Variants in SDK1 observed in about 807,000 individuals in gnomAD.
SDK1 encodes the protein protein sidekick-1.
Under a neutral mutation model 245.5 loss-of-function variants are expected in SDK1, and 157 were observed. The ratio of observed to expected loss-of-function variants is 0.64; its 90% CI spans 0.56 to 0.73. The LOEUF (loss-of-function observed/expected upper bound fraction) is 0.73, where lower values mean the gene tolerates loss of function less well. Ranked by LOEUF, SDK1 falls within the 30% of genes least tolerant of loss-of-function variation. SDK1 has a pLI of 0.00. For missense variants in SDK1, 3,583 were observed against 3,002.3 expected (o/e 1.19, Z -4.52); for synonymous variants, 1,647 against 1,278.5 (o/e 1.29, Z -6.15).
chr7:3,573,378 C>T (rs1780177794), intron 1 of SDK1, among the ~76,000 whole-genome samples: 1 of 152,038 alleles, frequency 6.6e-6, no homozygotes, highest in South Asian at 2.1e-4. Context: ...GAGCAGAGCA[C>T]CCTTCTCTGC....
chr7:3,610,459 A>T (rs560898646), intron 1 of SDK1, among the ~76,000 whole-genome samples: 8 of 152,226 alleles, frequency 5.3e-5, no homozygotes, highest in Non-Finnish European at 1.0e-4. Flanking sequence ...TAGAAATGAC[A>T]GTTCAGTATA....
intron 1 of SDK1, among the ~76,000 whole-genome samples, chr7:3,320,065 T>C (rs1166348321): frequency 6.6e-6 from 1 of 151,826 alleles, no homozygotes; most frequent in Non-Finnish European, 1.5e-5. Flanking sequence ...CTTTTGAAAT[T>C]GTTCTCCCCA....
At chr7:3,604,250 A>T (rs949567436) in intron 1 of SDK1, among the ~76,000 whole-genome samples, 3 of 152,206 alleles carry the variant, frequency 2.0e-5, no homozygotes, top group Admixed American at 6.5e-5. Context: ...ATAGTTTCAG[A>T]AGGATTGGTA....
At chr7:3,960,644 G>C (rs1781602235) in intron 8 of SDK1, among the ~76,000 whole-genome samples, 2 of 152,284 alleles carry the variant, frequency 1.3e-5, no homozygotes, top group South Asian at 2.1e-4. Flanking sequence ...GGTTCAGTAG[G>C]AGTTCTGGTC....
At chr7:3,925,140 G>A (rs1252946561) in intron 5 of SDK1, among the ~76,000 whole-genome samples, 1 of 152,010 alleles carries the variant, frequency 6.6e-6, no homozygotes, top group Non-Finnish European at 1.5e-5. Flanking sequence ...CCAGGAACCA[G>A]GGCCCCAGAG....
chr7:3,639,593 T>C (rs1201777597), intron 3 of SDK1, among the ~76,000 whole-genome samples: 1 of 152,176 alleles, frequency 6.6e-6, no homozygotes, highest in Non-Finnish European at 1.5e-5. Context: ...TAATTCTTTA[T>C]TCAGCAGATC....
chr7:3,916,415 G>T (rs1779382166), intron 5 of SDK1, among the ~76,000 whole-genome samples: 1 of 152,216 alleles, frequency 6.6e-6, no homozygotes, highest in African/African-American at 2.4e-5. Flanking sequence ...GGCACAGTGA[G>T]TTTGGGGTCC....
chr7:3,698,827 T>C (rs1784654552), intron 4 of SDK1, among the ~76,000 whole-genome samples: 1 of 152,196 alleles, frequency 6.6e-6, no homozygotes, highest in Non-Finnish European at 1.5e-5. Flanking sequence ...GCTCATAACC[T>C]CATCTAACCC....
At chr7:3,851,169 T>C (rs1299271463) in intron 5 of SDK1, among the ~76,000 whole-genome samples, 1 of 152,238 alleles carries the variant, frequency 6.6e-6, no homozygotes, top group Non-Finnish European at 1.5e-5. Context: ...ATTATCATTT[T>C]ATTAAAATTC....
chr7:3,882,481 C>G (rs1012029453), intron 5 of SDK1, among the ~76,000 whole-genome samples: 3 of 152,234 alleles, frequency 2.0e-5, no homozygotes, highest in Non-Finnish European at 4.4e-5. Flanking sequence ...AACACTGATT[C>G]TTTCCTTCTA....
At chr7:3,435,380 G>T (rs1310667473) in intron 1 of SDK1, among the ~76,000 whole-genome samples, 2 of 132,738 alleles carry the variant, frequency 1.5e-5, no homozygotes, top group Non-Finnish European at 3.1e-5. Flanking sequence ...GCCCAGGCTG[G>T]AGTGCAGTGA....
At chr7:3,451,246 G>A (rs1780504682) in intron 1 of SDK1, among the ~76,000 whole-genome samples, 1 of 151,688 alleles carries the variant, frequency 6.6e-6, no homozygotes, top group South Asian at 2.1e-4. Context: ...TTGTTGTGAA[G>A]TTCCAAGAGA....
rs566597698 is a variant in SDK1, at chr7:4,265,928, C to G, written c.*544C>G. 4 of 985,896 alleles carry G rather than the reference C, an allele frequency of 4.1e-6. No individual in the cohort carries two copies. In the East Asian group the frequency reaches 3.4e-4, roughly 84 times the overall value. The allele number at this position is 985,896 out of a possible 1,614,324, so 61.1% of individuals were successfully genotyped here. A position where few individuals can be genotyped will look rare whatever the true frequency, so the allele number is the denominator to read the frequency against. On this transcript the variant is annotated 3_prime_UTR_variant, in exon 45 of 45. Transcript: ENST00000404826. ...CGTTTTGTCCCAACTTCATCTGTTT[C>G]TGAAATGTTCTCACTTGGCAGTGTC... is the stretch of plus-strand genomic sequence containing the variant.
intron 1 of SDK1, among the ~76,000 whole-genome samples, chr7:3,330,807 T>TAA (rs35013618): frequency 0.053 from 6,110 of 115,180 alleles, 254 homozygotes; most frequent in African/African-American, 0.1. Context: ...CCATTTCGCT[T>TAA]AAAAAAAAAA....
intron 32 of SDK1, among the ~76,000 whole-genome samples, chr7:4,163,944 T>C (rs773279197): frequency 6.6e-6 from 1 of 152,222 alleles, no homozygotes; most frequent in Non-Finnish European, 1.5e-5. Context: ...AGTAGGCGTT[T>C]AACAAGCTGG....
chr7:4,012,549 C>CT lies in SDK1; in HGVS notation c.2420+357dup, dbSNP rs777199429. On this transcript the variant is annotated intron_variant, in intron 16 of 44. Coordinates refer to ENST00000404826, the MANE Select transcript of SDK1 (RefSeq NM_152744.4). ...GCAAGGTATATTGTTCAATGTGAAGCTTTTTTTTTTTTTTTTTTTTTTTTT... is the reference window on the plus strand; with the variant it reads ...GCAAGGTATATTGTTCAATGTGAAGCTTTTTTTTTTTTTTTTTTTTTTTTTT... 9.1e-3 allele frequency among the ~76,000 whole-genome samples: 237 copies of CT among 25,982 alleles called. 57 individuals are homozygous for CT. The highest frequency in any genetic ancestry group is 0.017 in the Non-Finnish European group (174 of 10,032). The allele number at this position is 25,982 out of a possible 152,430, so 17.0% of individuals were successfully genotyped here.
intron 4 of SDK1, among the ~76,000 whole-genome samples, chr7:3,702,621 G>A (rs1784771194): frequency 6.6e-6 from 1 of 152,172 alleles, no homozygotes; most frequent in African/African-American, 2.4e-5. Context: ...TTCTTTCTAA[G>A]TTCTCCCTGA....
Position 3,396,747 on chromosome 7 carries a change from T to C in SDK1, c.298+94863T>C, listed in dbSNP as rs201282082. 1.7e-4 allele frequency among the ~76,000 whole-genome samples: 26 copies of C among 151,894 alleles called. 1 individual carries two copies. The East Asian group carries it at 3.9e-3, about 23-fold the overall frequency. On this transcript the variant is annotated intron_variant, in intron 1 of 44. Transcript: ENST00000404826. ...AACTGATCTGTATCTTTGTATCTAA[T>C]GTGAATCTCTTCCAGACAGCATATG...
chr7:3,795,699 C>G (rs1468360444), intron 4 of SDK1, among the ~76,000 whole-genome samples: 2 of 152,064 alleles, frequency 1.3e-5, no homozygotes, highest in Admixed American at 1.3e-4. Flanking sequence ...GGACAGATAC[C>G]TGACTTAAAA....
Sources: allele counts gnomAD v4.1 joint callset (sites outside exome capture counted in the v4.1 genomes callset), GRCh38; gene constraint gnomAD v4.1.1; transcripts MANE v1.5; gene names NCBI Gene and HGNC (gene_info 2026-07-23, HGNC 2026-07-21).